WWP2: variants seen among roughly 807,000 people sequenced by gnomAD.
WWP2 encodes NEDD4-like E3 ubiquitin-protein ligase WWP2.
WWP2 carries 57 observed loss-of-function variants against 121.0 expected under a neutral mutation model. That is an observed-to-expected ratio of 0.47 (90% confidence interval 0.38 to 0.59). The LOEUF is 0.59. Ranked by LOEUF, WWP2 falls within the 20% of genes least tolerant of loss-of-function variation. The pLI is 0.00. For synonymous variants in WWP2, 449 were observed against 441.3 expected, an observed-to-expected ratio of 1.02 and a Z score of -0.22; for missense variants, 962 against 1,158.9, an observed-to-expected ratio of 0.83 and a Z score of 2.47.
intron 2 of WWP2, among the ~76,000 whole-genome samples, chr16:69,796,568 A>G (rs2056051470): frequency 6.6e-6 from 1 of 152,246 alleles, no homozygotes; most frequent in Non-Finnish European, 1.5e-5. Flanking sequence ...TTCAAAATTT[A>G]AAATACAGTT....
intron 8 of WWP2, chr16:69,895,163 G>C (rs990524391): frequency 6.6e-6 from 1 of 152,306 alleles, no homozygotes; most frequent in South Asian, 2.1e-4. Flanking sequence ...AGAGTTCTTG[G>C]ATGTTTGTTT....
chr16:69,936,809 G>A (rs937041196), intron 19 of WWP2: 8 of 470,748 alleles, frequency 1.7e-5, no homozygotes, highest in African/African-American at 3.9e-5. Flanking sequence ...CCCGTTCTCC[G>A]TGCCTGTTCC....
chr16:69,871,386 A>G (rs752641472), intron 6 of WWP2, among the ~76,000 whole-genome samples: 4 of 152,234 alleles, frequency 2.6e-5, no homozygotes, highest in Non-Finnish European at 4.4e-5. Context: ...CTTTCTAGCT[A>G]TAGAGAAAAT....
chr16:69,911,660 C>T (rs141401571), intron 9 of WWP2, among the ~76,000 whole-genome samples: 50 of 152,226 alleles, frequency 3.3e-4, no homozygotes, highest in African/African-American at 1.2e-3. Context: ...AGAGTGCAAT[C>T]GTGCTTCTTA....
intron 1 of WWP2, among the ~76,000 whole-genome samples, chr16:69,773,785 C>T (rs1172240737): frequency 6.6e-6 from 1 of 152,084 alleles, no homozygotes; most frequent in African/African-American, 2.4e-5. Context: ...CCCAGCTGCC[C>T]CAGTTTTTCA....
At chr16:69,843,848 CTA>C (rs2057021937) in intron 6 of WWP2, among the ~76,000 whole-genome samples, 2 of 152,098 alleles carry the variant, frequency 1.3e-5, no homozygotes, top group South Asian at 2.1e-4. Flanking sequence ...CAGAGTGAGA[CTA>C]TGTCTGTAAA....
In WWP2 at chr16:69,937,418, A is replaced by C. The variant is rs75168081; in HGVS notation, c.2239-130A>C. On this transcript the variant is annotated intron_variant, in intron 20 of 23. Coordinates refer to ENST00000359154, the MANE Select transcript of WWP2 (RefSeq NM_001270454.2). This position sits in a 1 kb window ranked among gnomAD's most constrained non-coding sequence, Gnocchi z 6.6. The stretch of plus-strand genomic sequence containing the variant: ...TTGTTTCAAGAAAGCAGGGACTTAC[A>C]TTACCCATATTATTAACGCTGACAC... 2,355 of 1,339,300 alleles carry C rather than the reference A, an allele frequency of 1.8e-3. 41 individuals are homozygous for C. In the African/African-American group the frequency reaches 0.029, roughly 16 times the overall value. 83.0% of individuals were successfully genotyped at this position (1,339,300 alleles called of 1,614,324 possible).
At chr16:69,848,877 CT>C (rs937507133) in intron 6 of WWP2, among the ~76,000 whole-genome samples, 4 of 152,168 alleles carry the variant, frequency 2.6e-5, no homozygotes, top group African/African-American at 9.7e-5. Context: ...TTTAAGATGT[CT>C]TTCCCAGTGA....
At chr16:69,882,123 GT>G (rs904882890) in intron 7 of WWP2, among the ~76,000 whole-genome samples, 1 of 150,692 alleles carries the variant, frequency 6.6e-6, no homozygotes, top group African/African-American at 2.4e-5. Flanking sequence ...CCCAGCCTAA[GT>G]TTTGTATTTT....
At chr16:69,880,038 C>CT (rs1318705998) in intron 7 of WWP2, among the ~76,000 whole-genome samples, 3 of 150,874 alleles carry the variant, frequency 2.0e-5, no homozygotes, top group African/African-American at 4.9e-5. Context: ...GAGATAAATA[C>CT]TTTTTTCTGT....
Position 69,817,215 on chromosome 16 carries a change from A to G in WWP2, c.340+17920A>G, listed in dbSNP as rs111603054. On this transcript the variant is annotated intron_variant, in intron 4 of 23. Coordinates refer to ENST00000359154, the MANE Select transcript of WWP2 (RefSeq NM_001270454.2). ...CAGTTTTTTCCGCATCAGTGAAACT[A>G]GGTCAGTTTTAATGGCTACAGTAAT... 3.9e-4 allele frequency among the ~76,000 whole-genome samples: 59 copies of G among 152,226 alleles called. 1 individual carries two copies. Among genetic ancestry groups the G allele is most frequent in the African/African-American group, 1.3e-3 (54 of 41,534 alleles).
intron 4 of WWP2, among the ~76,000 whole-genome samples, chr16:69,826,282 A>G (rs1188401288): frequency 7.4e-6 from 1 of 134,966 alleles, no homozygotes; most frequent in Non-Finnish European, 1.6e-5. Context: ...AAAAAAAAAA[A>G]GTAGACCAGG....
At chr16:69,819,362 C>T (rs1254861548) in intron 4 of WWP2, among the ~76,000 whole-genome samples, 1 of 152,196 alleles carries the variant, frequency 6.6e-6, no homozygotes, top group Non-Finnish European at 1.5e-5. Flanking sequence ...TTATGTGTGT[C>T]TGCTACTCCT....
chr16:69,844,763 G>A (rs543394050), intron 6 of WWP2, among the ~76,000 whole-genome samples: 5 of 152,270 alleles, frequency 3.3e-5, no homozygotes, highest in South Asian at 2.1e-4. Context: ...AAGCCTTATC[G>A]GAGTCCTCTG....
intron 11 of WWP2, among the ~76,000 whole-genome samples, chr16:69,926,311 C>T (rs1167755857): frequency 6.6e-6 from 1 of 152,128 alleles, no homozygotes; most frequent in African/African-American, 2.4e-5. Flanking sequence ...CAGAAGAAAG[C>T]AGTTTTTGCG....
intron 16 of WWP2, among the ~76,000 whole-genome samples, chr16:69,932,382 A>T (rs552692390): frequency 1.3e-5 from 2 of 152,268 alleles, no homozygotes; most frequent in Admixed American, 1.3e-4. Context: ...TGGCCAGTCC[A>T]TTGGGCCTGG....
chr16:69,869,988 G>C (rs922260849), intron 6 of WWP2, among the ~76,000 whole-genome samples: 1 of 152,146 alleles, frequency 6.6e-6, no homozygotes, highest in Non-Finnish European at 1.5e-5. Flanking sequence ...CAAAAAAATA[G>C]CCCAAGAGGA....
intron 4 of WWP2, among the ~76,000 whole-genome samples, chr16:69,817,141 CAAATGGG>C (rs144969374): frequency 0.019 from 2,942 of 152,230 alleles, 81 homozygotes; most frequent in African/African-American, 0.064. Flanking sequence ...TTTTTCCCCC[CAAATGGG>C]AACTCATTAT....
At position 69,888,269 on chromosome 16, in the gene WWP2, A is replaced by G. The variant is rs751754943; in HGVS notation, c.914+20A>G. ...TGCTGGGTGAGTAGTCTTCTGTCCC[A>G]TAACAGATCTCTCCTCCTCAAAGAC... On this transcript the variant is annotated intron_variant, in intron 8 of 23. Transcript: ENST00000359154. 20 of 1,608,664 alleles carry G rather than the reference A, an allele frequency of 1.2e-5. No homozygotes were observed. The South Asian group carries it at 1.9e-4, about 15-fold the overall frequency.
Sources: allele counts gnomAD v4.1 joint callset (sites outside exome capture counted in the v4.1 genomes callset), GRCh38; gene constraint gnomAD v4.1.1; non-coding constraint Gnocchi (gnomAD v3.1); transcripts MANE v1.5; gene names NCBI Gene and HGNC (gene_info 2026-07-23, HGNC 2026-07-21).